KCNIP4: variants seen among roughly 807,000 people sequenced by gnomAD.
KCNIP4 encodes the protein potassium voltage-gated channel interacting protein 4.
A neutral mutation model predicts 34.0 loss-of-function variants in KCNIP4; 12 were observed. The ratio of observed to expected loss-of-function variants is 0.35; its 90% confidence interval spans 0.23 to 0.57. The LOEUF (loss-of-function observed/expected upper bound fraction) is 0.57. KCNIP4 is among the 20% of genes least tolerant of loss of function. The pLI, the probability that KCNIP4 is intolerant of heterozygous loss-of-function variation, is 0.83. For missense variants in KCNIP4, 238 were observed against 311.7 expected (o/e 0.76, Z 1.78); for synonymous variants, 124 against 102.2 (o/e 1.21, Z -1.29).
Position 21,271,589 on chromosome 4 carries a change from TG to T in KCNIP4, c.62-388881del, listed in dbSNP as rs1279946324. Among the ~76,000 whole-genome samples the T allele has an allele frequency of 2.0e-5, 3 of 151,962 alleles. No homozygotes were observed. In the East Asian group the frequency reaches 5.8e-4, roughly 29 times the overall value. On this transcript the variant is annotated intron_variant, in intron 1 of 8. Coordinates refer to ENST00000382152, the MANE Select transcript of KCNIP4 (RefSeq NM_025221.6). ...ATGGGGTCCAAAAAAAAGAGGCCTC[TG>T]GGGGACTGCCTGTCACAGGGTAGGG...
At chr4:20,829,971 A>T (rs1338420269) in intron 3 of KCNIP4, among the ~76,000 whole-genome samples, 1 of 152,106 alleles carries the variant, frequency 6.6e-6, no homozygotes, top group African/African-American at 2.4e-5. Flanking sequence ...TCTAAGAGAC[A>T]TCCTAACTCT....
chr4:21,332,120 A>G (rs1715699413), intron 1 of KCNIP4, among the ~76,000 whole-genome samples: 1 of 152,070 alleles, frequency 6.6e-6, no homozygotes, highest in South Asian at 2.1e-4. Context: ...AATCCAGACA[A>G]GTTTATTTAC....
At chr4:21,780,765 A>G (rs191812512) in intron 1 of KCNIP4, among the ~76,000 whole-genome samples, 23 of 152,326 alleles carry the variant, frequency 1.5e-4, no homozygotes, top group Middle Eastern at 6.8e-3. Context: ...GTGGATTAAA[A>G]CTGTGTAAAT....
At chr4:20,886,786 A>C (rs907642294) in intron 1 of KCNIP4, among the ~76,000 whole-genome samples, 7 of 152,212 alleles carry the variant, frequency 4.6e-5, no homozygotes, top group African/African-American at 4.8e-5. Flanking sequence ...AAAGACCAAA[A>C]AGAGCTGCTG....
At chr4:21,218,867 A>G (rs1270838236) in intron 1 of KCNIP4, among the ~76,000 whole-genome samples, 1 of 152,140 alleles carries the variant, frequency 6.6e-6, no homozygotes, top group Non-Finnish European at 1.5e-5. Flanking sequence ...ATGTGGGAGT[A>G]TTAACTCTGG....
intron 1 of KCNIP4, among the ~76,000 whole-genome samples, chr4:21,372,940 G>A (rs755601403): frequency 6.9e-6 from 1 of 145,776 alleles, no homozygotes; most frequent in Non-Finnish European, 1.5e-5. Flanking sequence ...AAACTTAGCT[G>A]TGCCTCATAT....
chr4:20,910,296 T>C (rs1728208705), intron 1 of KCNIP4, among the ~76,000 whole-genome samples: 1 of 152,122 alleles, frequency 6.6e-6, no homozygotes, highest in African/African-American at 2.4e-5. Context: ...TGTGTGTGTG[T>C]GTGTGTATCT....
At chr4:21,386,428 T>TA (rs899068131) in intron 1 of KCNIP4, among the ~76,000 whole-genome samples, 16 of 151,398 alleles carry the variant, frequency 1.1e-4, no homozygotes, top group Middle Eastern at 3.4e-3. Flanking sequence ...AAGACTGTCA[T>TA]AAAAAAAAAG....
At chr4:20,828,752 A>C (rs1718067561) in intron 3 of KCNIP4, among the ~76,000 whole-genome samples, 3 of 152,200 alleles carry the variant, frequency 2.0e-5, no homozygotes, top group African/African-American at 7.2e-5. Flanking sequence ...GAATTTTTAT[A>C]TCCACACAGA....
intron 1 of KCNIP4, among the ~76,000 whole-genome samples, chr4:21,151,405 AATTTTT>A: frequency 2.1e-5 from 2 of 93,518 alleles, no homozygotes; most frequent in Middle Eastern, 5.7e-3. Context: ...AACAAAAGAC[AATTTTT>A]TTTTTTTTTT....
In KCNIP4 at chr4:21,537,944, G is replaced by A. The variant is rs1023467280; in HGVS notation, c.61+410627C>T. ...GAAGAATAGCTTGAACCAGGGAGGC[G>A]GAGGTTGAAGTAAGCCGAGATTGCA... On this transcript the variant is annotated intron_variant, in intron 1 of 8. Coordinates refer to ENST00000382152, the MANE Select transcript of KCNIP4 (RefSeq NM_025221.6). 6.0e-5 allele frequency among the ~76,000 whole-genome samples: 9 copies of A among 149,138 alleles called. No individual in the cohort carries two copies. In the South Asian group the frequency reaches 8.5e-4, roughly 14 times the overall value.
intron 1 of KCNIP4, among the ~76,000 whole-genome samples, chr4:21,582,942 T>C (rs1741344592): frequency 6.6e-6 from 1 of 151,944 alleles, no homozygotes; most frequent in Admixed American, 6.6e-5. Flanking sequence ...ATAGCATTTT[T>C]AGTTTCAAAG....
intron 1 of KCNIP4, among the ~76,000 whole-genome samples, chr4:21,306,701 AG>A (rs1372057301): frequency 6.6e-6 from 1 of 152,182 alleles, no homozygotes; most frequent in Non-Finnish European, 1.5e-5. Flanking sequence ...TTGTTTTTCT[AG>A]TACAGTGAAC....
At chr4:21,107,828 G>A (rs1247170018) in intron 1 of KCNIP4, among the ~76,000 whole-genome samples, 18 of 151,300 alleles carry the variant, frequency 1.2e-4, no homozygotes, top group Non-Finnish European at 1.8e-4. Flanking sequence ...TTGCTTGTCT[G>A]TAAAGTATTT....
intron 1 of KCNIP4, among the ~76,000 whole-genome samples, chr4:21,403,821 T>G (rs1376553523): frequency 6.6e-6 from 1 of 152,198 alleles, no homozygotes; most frequent in Non-Finnish European, 1.5e-5. Flanking sequence ...ACAAATGCTG[T>G]GTCCACACAT....
intron 1 of KCNIP4, among the ~76,000 whole-genome samples, chr4:21,072,830 T>C (rs1027803906): frequency 3.9e-5 from 6 of 152,188 alleles, no homozygotes; most frequent in Admixed American, 1.3e-4. Context: ...ATATAAGGTG[T>C]AAGGAAGGGA....
chr4:21,102,909 T>C (rs952713707), intron 1 of KCNIP4, among the ~76,000 whole-genome samples: 8 of 152,178 alleles, frequency 5.3e-5, no homozygotes, highest in Admixed American at 5.2e-4. Context: ...TATACTCCTT[T>C]TGAGACACCC....
At chr4:21,289,884 C>G (rs1387827630) in intron 1 of KCNIP4, among the ~76,000 whole-genome samples, 1 of 152,172 alleles carries the variant, frequency 6.6e-6, no homozygotes, top group Non-Finnish European at 1.5e-5. Flanking sequence ...TTCCTCACCC[C>G]ACCCTTTCCC....
At chr4:21,573,559 A>C (rs976480412) in intron 1 of KCNIP4, among the ~76,000 whole-genome samples, 6 of 152,006 alleles carry the variant, frequency 3.9e-5, no homozygotes, top group African/African-American at 1.5e-4. Context: ...TAATTCACTT[A>C]AATTTTCCCA....
Sources: gnomAD v4.1 joint callset for allele counts (sites outside exome capture counted in the v4.1 genomes callset) on GRCh38, gnomAD v4.1.1 for gene constraint, MANE v1.5 for transcripts, NCBI Gene and HGNC (gene_info 2026-07-23, HGNC 2026-07-21) for gene names.